DSE: variants seen among roughly 807,000 people sequenced by gnomAD.
DSE encodes dermatan-sulfate epimerase.
Under a neutral mutation model 84.4 loss-of-function variants are expected in DSE, and 36 were observed. The ratio of observed to expected loss-of-function variants is 0.43; its 90% confidence interval spans 0.33 to 0.56. The LOEUF (loss-of-function observed/expected upper bound fraction) is 0.56. DSE is among the 20% of genes least tolerant of loss of function. DSE has a pLI of 0.06. For missense variants in DSE, 862 were observed against 1,169.6 expected (o/e 0.74, Z 3.84); for synonymous variants, 410 against 430.1 (o/e 0.95, Z 0.58).
intron 2 of DSE, among the ~76,000 whole-genome samples, chr6:116,300,407 A>G (rs1183146190): frequency 6.6e-6 from 1 of 152,218 alleles, no homozygotes; most frequent in Non-Finnish European, 1.5e-5. Context: ...CTTCAAATGC[A>G]CAAGTTCCTT....
intron 2 of DSE, among the ~76,000 whole-genome samples, chr6:116,354,737 T>A (rs1260942653): frequency 6.6e-6 from 1 of 152,152 alleles, no homozygotes; most frequent in Non-Finnish European, 1.5e-5. Context: ...TATATAAAAA[T>A]TATAATTTTC....
chr6:116,363,375 C>T (rs1477964201), intron 2 of DSE, among the ~76,000 whole-genome samples: 1 of 146,936 alleles, frequency 6.8e-6, no homozygotes, highest in Non-Finnish European at 1.5e-5. Context: ...CATGTGTGTG[C>T]TTTGTGTGTG....
chr6:116,321,726 A>G (rs1776337606), intron 2 of DSE, among the ~76,000 whole-genome samples: 1 of 152,168 alleles, frequency 6.6e-6, no homozygotes. Flanking sequence ...GTGAGCCGAG[A>G]TCGCGCCACC....
intron 2 of DSE, among the ~76,000 whole-genome samples, chr6:116,338,609 A>T (rs549196960): frequency 1.3e-5 from 2 of 152,230 alleles, no homozygotes; most frequent in South Asian, 4.1e-4. Flanking sequence ...AGAACCAAAG[A>T]TTACCTTTGG....
chr6:116,374,381 G>A (rs1779794504), intron 1 of DSE, among the ~76,000 whole-genome samples: 2 of 152,154 alleles, frequency 1.3e-5, no homozygotes, highest in South Asian at 4.1e-4. Context: ...CTGTGGTAGA[G>A]GGAACTTCAT....
intron 2 of DSE, among the ~76,000 whole-genome samples, chr6:116,337,801 ACTT>A (rs10581090): frequency 0.43 from 65,149 of 151,650 alleles, 14,285 homozygotes; most frequent in East Asian, 0.69. Flanking sequence ...GAGTTTACAT[ACTT>A]CTTATGACCA....
rs373866929 is a variant in DSE at position 116,279,852 on chromosome 6, C to T, written c.-54+20885C>T. 14 of 1,612,944 alleles carry T rather than the reference C, an allele frequency of 8.7e-6. No individual in the cohort carries two copies. The African/African-American group carries it at 1.3e-4, about 15-fold the overall frequency. On this transcript the variant is annotated intron_variant, in intron 2 of 3. Coordinates refer to the DSE transcript ENST00000430252. ...TCATGTTGCTAACAGTCGGACCAAC[C>T]GCAGGCGAACGCCCGTTTTCCTCAG...
chr6:116,313,685 C>T (rs1301426390), intron 2 of DSE, among the ~76,000 whole-genome samples: 5 of 152,174 alleles, frequency 3.3e-5, no homozygotes, highest in Non-Finnish European at 5.9e-5. Flanking sequence ...CTTCAACAGG[C>T]ATTCTTTTTC....
chr6:116,310,511 C>T (rs1181213445), intron 2 of DSE, among the ~76,000 whole-genome samples: 1 of 152,180 alleles, frequency 6.6e-6, no homozygotes, highest in Non-Finnish European at 1.5e-5. Context: ...TGTACTCCTA[C>T]TCCAGTTTTC....
intron 2 of DSE, among the ~76,000 whole-genome samples, chr6:116,416,182 C>A (rs1782694961): frequency 6.6e-6 from 1 of 152,160 alleles, no homozygotes; most frequent in South Asian, 2.1e-4. Flanking sequence ...CTTTTAAGGA[C>A]CCGTGTGACT....
At chr6:116,283,983 CT>C (rs1424117136) in intron 2 of DSE, among the ~76,000 whole-genome samples, 3 of 152,222 alleles carry the variant, frequency 2.0e-5, no homozygotes, top group Non-Finnish European at 4.4e-5. Flanking sequence ...CATATATCAC[CT>C]TTTTTGCACT....
chr6:116,392,823 A>G (rs984359568), intron 1 of DSE, among the ~76,000 whole-genome samples: 3 of 152,042 alleles, frequency 2.0e-5, no homozygotes, highest in Admixed American at 6.6e-5. Flanking sequence ...ATATTTCCCA[A>G]TCTGCTTGAC....
chr6:116,322,925 T>C (rs911360629), intron 2 of DSE, among the ~76,000 whole-genome samples: 1 of 152,148 alleles, frequency 6.6e-6, no homozygotes, highest in East Asian at 1.9e-4. Flanking sequence ...GGAGTGTTAG[T>C]GTAGAGAGCA....
intron 1 of DSE, among the ~76,000 whole-genome samples, chr6:116,373,057 T>TAAA (rs35753373): frequency 7.2e-4 from 105 of 145,528 alleles, no homozygotes; most frequent in Middle Eastern, 3.5e-3. Flanking sequence ...GAAGGGGAAT[T>TAAA]AAAAAAAAAA....
intron 1 of DSE, among the ~76,000 whole-genome samples, chr6:116,377,404 C>G (rs908368196): frequency 2.6e-5 from 4 of 152,114 alleles, no homozygotes; most frequent in African/African-American, 9.7e-5. Context: ...TGTCAAATGG[C>G]TGTTGCAAGA....
chr6:116,376,226 GGATTCCATT>G (rs1301844223), intron 1 of DSE, among the ~76,000 whole-genome samples: 3 of 152,124 alleles, frequency 2.0e-5, no homozygotes, highest in Non-Finnish European at 4.4e-5. Context: ...TGCCTTCTGA[GGATTCCATT>G]GTGGGGCCAC....
Position 116,395,198 on chromosome 6 carries a change from G to A in DSE, c.-53-4000G>A, listed in dbSNP as rs1460465777. The stretch of plus-strand genomic sequence containing the variant: ...CCCAGCACTTTGGGAGGCCGAGGCG[G>A]GTGGATCACGAGGTCAAGAGAGCGA... On this transcript the variant is annotated intron_variant, in intron 1 of 5. Transcript: ENST00000644252. 2.6e-5 allele frequency among the ~76,000 whole-genome samples: 4 copies of A among 151,868 alleles called. 1 individual carries two copies. The highest frequency in any genetic ancestry group is 5.9e-5 in the Non-Finnish European group (4 of 68,032).
chr6:116,332,769 G>T (rs1429424671), intron 2 of DSE, among the ~76,000 whole-genome samples: 4 of 152,022 alleles, frequency 2.6e-5, no homozygotes, highest in Admixed American at 1.3e-4. Context: ...CAAGCTACAT[G>T]GTAAAATATA....
At chr6:116,282,317 C>A (rs1282462495) in intron 2 of DSE, among the ~76,000 whole-genome samples, 10 of 152,074 alleles carry the variant, frequency 6.6e-5, no homozygotes, top group Admixed American at 5.2e-4. Flanking sequence ...TAATTTCATT[C>A]GGCCTAAAGT....
Sources: gnomAD v4.1 joint callset for allele counts (sites outside exome capture counted in the v4.1 genomes callset) on GRCh38, gnomAD v4.1.1 for gene constraint, MANE v1.5 for transcripts, NCBI Gene and HGNC (gene_info 2026-07-23, HGNC 2026-07-21) for gene names.